Variants in LINGO2 observed in about 807,000 individuals in gnomAD.
LINGO2 encodes leucine rich repeat and Ig domain containing 2, also known as leucine-rich repeat and immunoglobulin-like domain-containing nogo receptor-interacting protein 2.
Under a neutral mutation model 30.6 loss-of-function variants are expected in LINGO2, and 14 were observed. The observed-to-expected ratio is 0.46, with a 90% confidence interval of 0.30 to 0.72. The LOEUF is 0.72. Ranked by LOEUF, LINGO2 falls within the 30% of genes least tolerant of loss-of-function variation. The pLI, the probability that LINGO2 is intolerant of heterozygous loss-of-function variation, is 0.07. For synonymous variants in LINGO2, 317 were observed against 288.5 expected, an observed-to-expected ratio of 1.10 and a Z score of -1.00; for missense variants, 729 against 751.7, an observed-to-expected ratio of 0.97 and a Z score of 0.35.
chr9:29,185,028 C>G, the LINGO2 span, among the ~76,000 whole-genome samples: 42 of 152,238 alleles, frequency 2.8e-4, no homozygotes, highest in African/African-American at 9.6e-4. Flanking sequence ...AATAGACTCT[C>G]CAGGTTCAGC....
the LINGO2 span, among the ~76,000 whole-genome samples, chr9:28,934,653 T>C: frequency 6.6e-6 from 1 of 152,154 alleles, no homozygotes; most frequent in Non-Finnish European, 1.5e-5. Context: ...AAACCTCCAA[T>C]ATCTTTGCTC....
the LINGO2 span, among the ~76,000 whole-genome samples, chr9:29,039,543 T>A: frequency 2.0e-5 from 3 of 152,168 alleles, no homozygotes; most frequent in Non-Finnish European, 4.4e-5. Flanking sequence ...AAGCCTCTTC[T>A]CGCCTAGTTG....
intron 1 of LINGO2, among the ~76,000 whole-genome samples, chr9:28,557,503 G>C (rs1199094220): frequency 6.6e-6 from 1 of 152,034 alleles, no homozygotes; most frequent in Non-Finnish European, 1.5e-5. Context: ...AACGACAGGT[G>C]CTGGAGAGGA....
At chr9:29,096,702 T>C in the LINGO2 span, among the ~76,000 whole-genome samples, 1 of 140,522 alleles carries the variant, frequency 7.1e-6, no homozygotes, top group Non-Finnish European at 1.6e-5. Context: ...TTTCCATTAT[T>C]ATCTTTAATC....
chr9:28,853,572 G>T, the LINGO2 span, among the ~76,000 whole-genome samples: 6 of 151,898 alleles, frequency 4.0e-5, no homozygotes, highest in Admixed American at 3.3e-4. Context: ...TACCCCAAAC[G>T]GGGTAATTTA....
chr9:28,349,816 C>G (rs566978295), intron 3 of LINGO2, among the ~76,000 whole-genome samples: 21 of 152,122 alleles, frequency 1.4e-4, no homozygotes, highest in African/African-American at 4.3e-4. Flanking sequence ...AGAAACCCTA[C>G]AAGCCAGAAG....
At chr9:29,057,046 G>A in the LINGO2 span, among the ~76,000 whole-genome samples, 2 of 151,962 alleles carry the variant, frequency 1.3e-5, no homozygotes, top group African/African-American at 2.4e-5. Context: ...TATTTGTTTA[G>A]TCTTGCTTTG....
upstream of LINGO2, among the ~76,000 whole-genome samples, chr9:28,671,306 G>C (rs935206228): frequency 2.0e-5 from 3 of 151,938 alleles, no homozygotes; most frequent in Non-Finnish European, 2.9e-5. Context: ...AGGGATGGTA[G>C]AAAGATGGTG....
chr9:29,108,301 A>T, the LINGO2 span, among the ~76,000 whole-genome samples: 23 of 152,328 alleles, frequency 1.5e-4, no homozygotes, highest in Non-Finnish European at 2.9e-4. Flanking sequence ...GGAAGACTAG[A>T]TAACTAGAAT....
In LINGO2 at chr9:28,148,624, C is replaced by G. The variant is rs938521759; in HGVS notation, c.-86-136219G>C. 6.6e-7 allele frequency: 1 copy of G among 1,525,526 alleles called. No individual in the cohort carries two copies. Among genetic ancestry groups the G allele is most frequent in the East Asian group, 2.4e-5 (1 of 40,858 alleles). 94.5% of individuals were successfully genotyped at this position (1,525,526 alleles called of 1,614,324 possible). On this transcript the variant is annotated intron_variant, in intron 4 of 5. Coordinates refer to ENST00000379992, the Ensembl canonical transcript of LINGO2. The surrounding 1 kb of genome is among the most constrained non-coding windows in gnomAD (Gnocchi z 5.1). ...GGCCCTTGGAGGGAAATGTCCACCTCAAGAGCTTGACAGAAAACAACCAGA... is the reference window on the plus strand; with the variant it reads ...GGCCCTTGGAGGGAAATGTCCACCTGAAGAGCTTGACAGAAAACAACCAGA...
chr9:28,417,295 C>T (rs1823005120), intron 2 of LINGO2, among the ~76,000 whole-genome samples: 1 of 152,084 alleles, frequency 6.6e-6, no homozygotes, highest in African/African-American at 2.4e-5. Flanking sequence ...CATACTTTTC[C>T]TTTAAAGACA....
intron 1 of LINGO2, among the ~76,000 whole-genome samples, chr9:28,639,727 G>A (rs1323621576): frequency 6.6e-6 from 1 of 152,044 alleles, no homozygotes. Flanking sequence ...TGCATGTGAG[G>A]TGGGTCTCCT....
the LINGO2 span, among the ~76,000 whole-genome samples, chr9:29,071,544 T>C: frequency 5.5e-5 from 8 of 144,880 alleles, no homozygotes; most frequent in African/African-American, 2.0e-4. Context: ...CACACACCTA[T>C]TAAGTAAGCA....
the LINGO2 span, among the ~76,000 whole-genome samples, chr9:28,996,118 T>TA: frequency 4.6e-4 from 66 of 144,474 alleles, no homozygotes; most frequent in East Asian, 1.0e-3. Context: ...TATATTGCTT[T>TA]AAAAAAAAAA....
chr9:28,423,325 C>T (rs1246068675), intron 2 of LINGO2, among the ~76,000 whole-genome samples: 1 of 151,912 alleles, frequency 6.6e-6, no homozygotes, highest in Non-Finnish European at 1.5e-5. Context: ...AATCCTGAGA[C>T]ACTCTAGGTC....
At chr9:28,652,967 G>C (rs757231313) in intron 1 of LINGO2, among the ~76,000 whole-genome samples, 1 of 151,924 alleles carries the variant, frequency 6.6e-6, no homozygotes, top group Non-Finnish European at 1.5e-5. Flanking sequence ...TTGATAGTAA[G>C]GATATAGCTG....
At chr9:28,675,598 C>T in the LINGO2 span, among the ~76,000 whole-genome samples, 16 of 151,646 alleles carry the variant, frequency 1.1e-4, no homozygotes, top group East Asian at 1.4e-3. Context: ...TAACATTTTG[C>T]GGTGGCTCAC....
intron 4 of LINGO2, among the ~76,000 whole-genome samples, chr9:28,053,533 TTC>T (rs1010806131): frequency 6.2e-4 from 95 of 152,046 alleles, no homozygotes; most frequent in African/African-American, 2.2e-3. Flanking sequence ...ACATTTGGAG[TTC>T]TTTCCCGGGA....
chr9:27,997,659 T>A (rs887544907), intron 5 of LINGO2, among the ~76,000 whole-genome samples: 6 of 152,266 alleles, frequency 3.9e-5, no homozygotes, highest in African/African-American at 1.4e-4. Context: ...TTGCACTCTG[T>A]ATCAGGCTGA....
Sources: allele counts gnomAD v4.1 joint callset (sites outside exome capture counted in the v4.1 genomes callset), GRCh38; gene constraint gnomAD v4.1.1; non-coding constraint Gnocchi (gnomAD v3.1); transcripts MANE v1.5; gene names NCBI Gene and HGNC (gene_info 2026-07-23, HGNC 2026-07-21).